The following CTLA4 variants were observed in gnomAD, a reference collection of about 807,000 sequenced individuals.
The protein encoded by CTLA4 is cytotoxic T-lymphocyte protein 4.
Under a neutral mutation model 20.4 loss-of-function variants are expected in CTLA4, and 3 were observed. The observed-to-expected ratio is 0.15, with a 90% confidence interval of 0.07 to 0.38. CTLA4 has a LOEUF of 0.38. Ranked by LOEUF, CTLA4 falls within the 10% of genes least tolerant of loss-of-function variation. The pLI, the probability that CTLA4 is intolerant of heterozygous loss-of-function variation, is 1.00. For synonymous variants in CTLA4, 100 were observed against 105.2 expected, an observed-to-expected ratio of 0.95 and a Z score of 0.30; for missense variants, 184 against 276.8, an observed-to-expected ratio of 0.66 and a Z score of 2.38.
intron 3 of CTLA4, among the ~76,000 whole-genome samples, chr2:203,872,377 T>G (rs1197548280): frequency 2.6e-5 from 4 of 152,218 alleles, no homozygotes; most frequent in African/African-American, 9.6e-5. Context: ...TAACTAAAGC[T>G]TATTATCTTA....
chr2:203,870,579 A>G lies in CTLA4; in HGVS notation c.110-7A>G, dbSNP rs200180357. On this transcript the variant is annotated splice_region_variant and splice_polypyrimidine_tract_variant and intron_variant, in intron 1 of 3. Transcript: ENST00000648405. This position sits in a 1 kb window ranked among gnomAD's most constrained non-coding sequence, Gnocchi z 5.3. ...TCACTGAGTTCCCTTTGGCTTTTCC[A>G]TGCTAGCAATGCACGTGGCCCAGCC... The G allele has an allele frequency of 1.4e-5, 23 of 1,611,404 alleles. No individual in the cohort carries two copies. In the South Asian group the frequency reaches 2.1e-4, roughly 15 times the overall value.
At position 203,870,894 on chromosome 2, in the gene CTLA4, T is replaced by C; in HGVS notation, c.418T>C (p.Tyr140His). The C allele has an allele frequency of 6.2e-7, 1 of 1,614,144 alleles. No individual in the cohort carries two copies. The highest frequency in any genetic ancestry group is 8.5e-7 in the Non-Finnish European group (1 of 1,179,972). The part of the protein sequence containing the change: ...KVELMYPPPY[Y>H]LGIGNGTQIY... ...GGAGCTCATGTACCCACCGCCATACTACCTGGGCATAGGCAACGGAACCCA... is the reference window on the plus strand; with the variant it reads ...GGAGCTCATGTACCCACCGCCATACCACCTGGGCATAGGCAACGGAACCCA... Residue 140 changes from tyrosine to histidine, a missense_variant, in exon 2 of 4, where the codon TAC (tyrosine) becomes CAC (histidine). Transcript: ENST00000648405. The surrounding 1 kb of genome is among the most constrained non-coding windows in gnomAD (Gnocchi z 5.3).
Position 203,873,129 on chromosome 2 carries a change from A to G in CTLA4, c.*317A>G, listed in dbSNP as rs913490713. ...GGAATGGCACAGCCCAAAGAAGGAA[A>G]AGGCAGGGAGCGAGGGAGAAGACTA... On this transcript the variant is annotated 3_prime_UTR_variant, in exon 4 of 4. Transcript: ENST00000648405. The G allele has an allele frequency of 1.2e-5, 6 of 499,532 alleles. No individual in the cohort carries two copies. Among genetic ancestry groups the G allele is most frequent in the Admixed American group, 3.5e-5 (1 of 28,760 alleles). The allele number at this position is 499,532 out of a possible 1,614,324, so 30.9% of individuals were successfully genotyped here.
chr2:203,871,891 T>TC (rs1307470995), intron 3 of CTLA4, among the ~76,000 whole-genome samples: 1 of 152,176 alleles, frequency 6.6e-6, no homozygotes, highest in Non-Finnish European at 1.5e-5. Context: ...CATGTCCCTC[T>TC]CCATCACCTG....
At chr2:203,871,848 A>T (rs758994689) in intron 3 of CTLA4, among the ~76,000 whole-genome samples, 6 of 152,192 alleles carry the variant, frequency 3.9e-5, no homozygotes, top group Non-Finnish European at 8.8e-5. Context: ...GCTGCTAGAG[A>T]GGACCACTTG....
rs1581573582 is a variant in CTLA4, at chr2:203,870,546, G to T, written c.110-40G>T. 2 of 1,596,716 alleles carry T rather than the reference G, an allele frequency of 1.3e-6. No individual in the cohort carries two copies. The highest frequency in any genetic ancestry group is 1.7e-5 in the Admixed American group (1 of 59,528). On this transcript the variant is annotated intron_variant, in intron 1 of 3. Coordinates refer to ENST00000648405, the MANE Select transcript of CTLA4 (RefSeq NM_005214.5). The surrounding 1 kb of genome is among the most constrained non-coding windows in gnomAD (Gnocchi z 5.3). ...CTTGCCTGGGCTTGGCCATGAAGGA[G>T]CATGAGTTCACTGAGTTCCCTTTGG...
rs1403336336 is a variant in CTLA4, at chr2:203,870,741, T to C, written c.265T>C (p.Tyr89His). 6 of 1,614,064 alleles carry C rather than the reference T, an allele frequency of 3.7e-6. No homozygotes were observed. Among genetic ancestry groups the C allele is most frequent in the Non-Finnish European group, 3.4e-6 (4 of 1,180,046 alleles). ...SQVTEVCAAT[Y>H]MMGNELTFLD... ...GGTGACTGAAGTCTGTGCGGCAACCTACATGATGGGGAATGAGTTGACCTT... is the reference window on the plus strand; with the variant it reads ...GGTGACTGAAGTCTGTGCGGCAACCCACATGATGGGGAATGAGTTGACCTT... The change falls in exon 2 of 4, where the codon TAC becomes CAC. Residue 89 changes from tyrosine (Y) to histidine (H), a missense_variant. By Grantham distance (83) the Tyr-to-His change is moderately conservative (BLOSUM62 2). This residue lies in a region of CTLA4 where 147 missense variants were observed against 223.4 expected (regional missense o/e 0.66). Transcript: ENST00000648405. This position sits in a 1 kb window ranked among gnomAD's most constrained non-coding sequence, Gnocchi z 5.3.
chr2:203,873,493 G>A lies in CTLA4; in HGVS notation c.*681G>A, dbSNP rs1688775992. ...TCTTTCCACCTTGGGTCCCAGGGAA[G>A]TTTTGTGGAGGAGCTCAGGACACTA... On this transcript the variant is annotated 3_prime_UTR_variant, in exon 4 of 4. Coordinates refer to ENST00000648405, the MANE Select transcript of CTLA4 (RefSeq NM_005214.5). 5 of 220,698 alleles carry A rather than the reference G, an allele frequency of 2.3e-5. No homozygotes were observed. In the South Asian group the frequency reaches 7.3e-4, roughly 32 times the overall value. The allele number at this position is 220,698 out of a possible 1,614,324, so 13.7% of individuals were successfully genotyped here.
At chr2:203,871,684 A>C (rs558774927) in intron 3 of CTLA4, among the ~76,000 whole-genome samples, 197 bp downstream of exon 3, 1 of 152,310 alleles carries the variant, frequency 6.6e-6, no homozygotes, top group East Asian at 1.9e-4. Context: ...ATTTTAGATG[A>C]ATTTGTTTGA....
intron 2 of CTLA4, 81 bp from the exon 3 acceptor site, chr2:203,871,297 C>A (rs1167650042): frequency 4.0e-6 from 5 of 1,251,814 alleles, no homozygotes; most frequent in Non-Finnish European, 5.8e-6. Context: ...GCTCTAATGT[C>A]CTTTTTTCAC....
chr2:203,870,871 A>G lies in CTLA4; in HGVS notation c.395A>G (p.Glu132Gly). ...ACGGGACTCTACATCTGCAAGGTGG[A>G]GCTCATGTACCCACCGCCATACTAC... is the stretch of plus-strand genomic sequence containing the variant. ...MDTGLYICKVELMYPPPYYLG... is the reference protein window; with the variant it reads ...MDTGLYICKVGLMYPPPYYLG... Residue 132 changes from glutamate (E) to glycine (G), a missense_variant, in exon 2 of 4, where the codon GAG becomes GGG. Coordinates refer to ENST00000648405, the MANE Select transcript of CTLA4 (RefSeq NM_005214.5). This position sits in a 1 kb window ranked among gnomAD's most constrained non-coding sequence, Gnocchi z 5.3. 6.2e-7 allele frequency: 1 copy of G among 1,614,212 alleles called. No individual in the cohort carries two copies. The highest frequency in any genetic ancestry group is 8.5e-7 in the Non-Finnish European group (1 of 1,180,024).
intron 1 of CTLA4, among the ~76,000 whole-genome samples, chr2:203,868,611 A>C (rs190838764): frequency 6.6e-6 from 1 of 152,328 alleles, no homozygotes; most frequent in East Asian, 1.9e-4. Context: ...AATCAATTCT[A>C]CTAGCTAATT....
intron 1 of CTLA4, 112 bp downstream of exon 1, chr2:203,868,163 A>C (rs758036698): frequency 2.4e-6 from 2 of 817,198 alleles, no homozygotes; most frequent in East Asian, 5.2e-5. Flanking sequence ...AGTTAAAGGT[A>C]AAACTCCAAT....
chr2:203,870,988 A>G lies in CTLA4; in HGVS notation c.457+55A>G. ...CCTGTTGCATTGCAGTCTTCTATGCACAAAAACAGTTTTGTTCCTTAATTT... is the reference window on the plus strand; with the variant it reads ...CCTGTTGCATTGCAGTCTTCTATGCGCAAAAACAGTTTTGTTCCTTAATTT... On this transcript the variant is annotated intron_variant, in intron 2 of 3. Coordinates refer to ENST00000648405, the MANE Select transcript of CTLA4 (RefSeq NM_005214.5). This position sits in a 1 kb window ranked among gnomAD's most constrained non-coding sequence, Gnocchi z 5.3. 6 of 1,397,420 alleles carry G rather than the reference A, an allele frequency of 4.3e-6. No homozygotes were observed. Among genetic ancestry groups the G allele is most frequent in the Middle Eastern group, 1.8e-4 (1 of 5,536 alleles). The allele number at this position is 1,397,420 out of a possible 1,614,324, so 86.6% of individuals were successfully genotyped here.
In CTLA4 at chr2:203,873,446, A is replaced by C. The variant is rs971701612; in HGVS notation, c.*634A>C. 54 of 222,136 alleles carry C rather than the reference A, an allele frequency of 2.4e-4. No homozygotes were observed. Among genetic ancestry groups the C allele is most frequent in the African/African-American group, 1.0e-3 (45 of 43,280 alleles). 13.8% of individuals were successfully genotyped at this position (222,136 alleles called of 1,614,324 possible). A position where few individuals can be genotyped will look rare whatever the true frequency, so the allele number is the denominator to read the frequency against. On this transcript the variant is annotated 3_prime_UTR_variant, in exon 4 of 4. Transcript: ENST00000648405. ...TTTTGTGTATTTGTTAATGGTTTGAATATAAACACTATATGGCAGTGTCTT... is the reference window on the plus strand; with the variant it reads ...TTTTGTGTATTTGTTAATGGTTTGACTATAAACACTATATGGCAGTGTCTT...
chr2:203,869,554 T>A (rs1340948482), intron 1 of CTLA4, among the ~76,000 whole-genome samples: 1 of 152,192 alleles, frequency 6.6e-6, no homozygotes, highest in Non-Finnish European at 1.5e-5. Context: ...GAGTGATAGA[T>A]TGGAATTGGA....
At chr2:203,868,463 T>G (rs549521683) in intron 1 of CTLA4, among the ~76,000 whole-genome samples, 7 of 152,244 alleles carry the variant, frequency 4.6e-5, no homozygotes, top group African/African-American at 1.7e-4. Flanking sequence ...TGGGAAGAGT[T>G]TTTTTGCTAT....
chr2:203,870,425 G>C lies in CTLA4; in HGVS notation c.110-161G>C. 1.6e-6 allele frequency: 1 copy of C among 639,482 alleles called. No individual in the cohort carries two copies. The highest frequency in any genetic ancestry group is 2.7e-6 in the Non-Finnish European group (1 of 372,624). The allele number at this position is 639,482 out of a possible 1,614,324, so 39.6% of individuals were successfully genotyped here. ...AGCTGGAAAACAGTTGAGAGATGGA[G>C]GGGAGGCTGGGGGTGTGGAGAGGGG... On this transcript the variant is annotated intron_variant, in intron 1 of 3. Transcript: ENST00000648405. This position sits in a 1 kb window ranked among gnomAD's most constrained non-coding sequence, Gnocchi z 5.3.
Position 203,867,834 on chromosome 2 carries a change from C to A in CTLA4, c.-109C>A. On this transcript the variant is annotated 5_prime_UTR_variant, in exon 1 of 4. Transcript: ENST00000648405. ...AATACATATCTGGGATCAAAGCTATCTATATAAAGTCCTTGATTCTGTGTG... is the reference window on the plus strand; with the variant it reads ...AATACATATCTGGGATCAAAGCTATATATATAAAGTCCTTGATTCTGTGTG... 2 of 683,870 alleles carry A rather than the reference C, an allele frequency of 2.9e-6. No individual in the cohort carries two copies. The highest frequency in any genetic ancestry group is 2.7e-5 in the Admixed American group (1 of 36,636). The allele number at this position is 683,870 out of a possible 1,614,324, so 42.4% of individuals were successfully genotyped here.
Sources: allele counts gnomAD v4.1 joint callset (sites outside exome capture counted in the v4.1 genomes callset), GRCh38; gene constraint gnomAD v4.1.1; regional missense constraint gnomAD v4.1.1; non-coding constraint Gnocchi (gnomAD v3.1); transcripts MANE v1.5; gene names NCBI Gene and HGNC (gene_info 2026-07-23, HGNC 2026-07-21).